The following PCDHGA5 variants were observed in gnomAD, a reference collection of about 807,000 sequenced individuals.
PCDHGA5 encodes protocadherin gamma-A5.
In PCDHGA5, 36 loss-of-function variants were observed where a neutral mutation model predicts 56.7. The observed-to-expected ratio is 0.64, with a 90% CI of 0.49 to 0.84. PCDHGA5 has a LOEUF of 0.84. PCDHGA5 is among the 40% of genes least tolerant of loss of function. The pLI, the probability that PCDHGA5 is intolerant of heterozygous loss-of-function variation, is 0.00. For missense variants in PCDHGA5, 1,305 were observed against 1,201.5 expected, an observed-to-expected ratio of 1.09 and a Z score of -1.27; for synonymous variants, 563 against 520.2, an observed-to-expected ratio of 1.08 and a Z score of -1.12.
In PCDHGA5 at chr5:141,407,146, T is replaced by C. The variant is rs142297912; in HGVS notation, c.2421+40395T>C. On this transcript the variant is annotated intron_variant, in intron 1 of 3. Transcript: ENST00000518069. ...TGCTTTATTTTTAAGAAAAAAAAGC[T>C]GAAGTGTCTGGGAATCCTTTATGAC... 2.0e-5 allele frequency among the ~76,000 whole-genome samples: 3 copies of C among 152,354 alleles called. No individual in the cohort carries two copies. The East Asian group carries it at 5.8e-4, about 29-fold the overall frequency.
At chr5:141,410,084 A>G in intron 1 of PCDHGA5, 3 of 1,612,532 alleles carry the variant, frequency 1.9e-6, no homozygotes, top group Non-Finnish European at 2.5e-6. Context: ...GGAGGTGCGC[A>G]CGGCTCGAGC....
At position 141,477,677 on chromosome 5, in the gene PCDHGA5, TC is replaced by T; in HGVS notation, c.2422-17128del. On this transcript the variant is annotated intron_variant, in intron 1 of 3. Transcript: ENST00000518069. This position sits in a 1 kb window ranked among gnomAD's most constrained non-coding sequence, Gnocchi z 4.9. ...AAATCGTGACAATGGCATAGTGTCA[TC>T]CTTAGTGCCCCTAGACTATGAGGAT... 1 of 1,614,174 alleles carries T rather than the reference TC, an allele frequency of 6.2e-7. No homozygotes were observed. The highest frequency in any genetic ancestry group is 8.5e-7 in the Non-Finnish European group (1 of 1,180,038).
intron 1 of PCDHGA5, chr5:141,371,953 T>G: frequency 6.2e-7 from 1 of 1,613,260 alleles, no homozygotes; most frequent in South Asian, 1.1e-5. Context: ...CAGCGAGCCT[T>G]CGACCACGAG....
chr5:141,450,948 C>T (rs1250110393), intron 1 of PCDHGA5, among the ~76,000 whole-genome samples: 2 of 151,870 alleles, frequency 1.3e-5, no homozygotes, highest in East Asian at 3.9e-4. Flanking sequence ...CCTCAGCCTC[C>T]CAAGTAGCTG....
intron 1 of PCDHGA5, chr5:141,374,222 A>G (rs1770285698): frequency 1.2e-6 from 2 of 1,613,902 alleles, no homozygotes; most frequent in South Asian, 1.1e-5. Flanking sequence ...CTTCGTAGGC[A>G]ACATCGTCAA....
intron 1 of PCDHGA5, among the ~76,000 whole-genome samples, chr5:141,455,393 C>G (rs574741955): frequency 6.4e-4 from 97 of 152,150 alleles, no homozygotes; most frequent in African/African-American, 2.2e-3. Flanking sequence ...GAAGGAGCTC[C>G]CCCTTACAGA....
At chr5:141,484,155 T>G (rs2099592564) in intron 1 of PCDHGA5, among the ~76,000 whole-genome samples, 1 of 152,224 alleles carries the variant, frequency 6.6e-6, no homozygotes, top group Non-Finnish European at 1.5e-5. Context: ...GTAGGCACAA[T>G]GCTGTTGGTA....
Position 141,431,897 on chromosome 5 carries a change from G to A in PCDHGA5, c.2422-62910G>A. On this transcript the variant is annotated intron_variant, in intron 1 of 3. Transcript: ENST00000518069. This position sits in a 1 kb window ranked among gnomAD's most constrained non-coding sequence, Gnocchi z 4.8. ...AAATGACCAAGATTCTGAGGAAAAC[G>A]GACAGGTGATCTGTTTCATCCAAGG... is the stretch of plus-strand genomic sequence containing the variant. 6 of 1,613,830 alleles carry A rather than the reference G, an allele frequency of 3.7e-6. No individual in the cohort carries two copies. The highest frequency in any genetic ancestry group is 5.1e-6 in the Non-Finnish European group (6 of 1,179,704).
chr5:141,368,141 G>T (rs1204786185), intron 1 of PCDHGA5, among the ~76,000 whole-genome samples: 1 of 151,994 alleles, frequency 6.6e-6, no homozygotes, highest in Non-Finnish European at 1.5e-5. Flanking sequence ...TTCAAATTTT[G>T]TACTTTTAAA....
chr5:141,369,009 CT>C (rs1295175926), intron 1 of PCDHGA5, among the ~76,000 whole-genome samples: 2 of 152,148 alleles, frequency 1.3e-5, no homozygotes, highest in African/African-American at 4.8e-5. Context: ...GAACTCATTG[CT>C]TATTGCTGCA....
chr5:141,512,656 C>G lies in PCDHGA5; in HGVS notation c.*1483C>G, dbSNP rs1262748947. ...CCCTTACAGTAGTGTAGCGCCCCCT[C>G]CCTCTTTCGGCTGGTGTAGAATAGC... On this transcript the variant is annotated 3_prime_UTR_variant, in exon 4 of 4. Coordinates refer to ENST00000518069, the MANE Select transcript of PCDHGA5 (RefSeq NM_018918.3). 1 of 152,508 alleles carries G rather than the reference C, an allele frequency of 6.6e-6. No homozygotes were observed. The highest frequency in any genetic ancestry group is 1.5e-5 in the Non-Finnish European group (1 of 68,228). The allele number at this position is 152,508 out of a possible 1,614,324, so 9.4% of individuals were successfully genotyped here.
rs545421792 is a variant in PCDHGA5 at position 141,414,806 on chromosome 5, C to T, written c.2421+48055C>T. ...GTGACAGCCAGCGACAGCGGGGATC[C>T]TCCACTCAGCAGCAACGTGTCGTTG... On this transcript the variant is annotated intron_variant, in intron 1 of 3. Coordinates refer to ENST00000518069, the MANE Select transcript of PCDHGA5 (RefSeq NM_018918.3). 2.2e-5 allele frequency: 36 copies of T among 1,614,244 alleles called. No individual in the cohort carries two copies. The South Asian group carries it at 3.1e-4, about 14-fold the overall frequency.
intron 1 of PCDHGA5, chr5:141,404,724 T>C: frequency 6.2e-7 from 1 of 1,613,942 alleles, no homozygotes; most frequent in Non-Finnish European, 8.5e-7. Context: ...GTGACCAAGG[T>C]GGTGGCAGTG....
intron 1 of PCDHGA5, chr5:141,397,972 G>T: frequency 2.6e-6 from 3 of 1,155,564 alleles, no homozygotes; most frequent in Non-Finnish European, 3.6e-6. Flanking sequence ...ACTCCCCAGC[G>T]CCGGCCTTTA....
At chr5:141,498,670 G>A (rs1266576450) in intron 2 of PCDHGA5, among the ~76,000 whole-genome samples, 1 of 152,066 alleles carries the variant, frequency 6.6e-6, no homozygotes, top group Non-Finnish European at 1.5e-5. Flanking sequence ...GGTGGCTCAC[G>A]CCTGTAATCC....
At chr5:141,465,241 G>C (rs2099099198) in intron 1 of PCDHGA5, among the ~76,000 whole-genome samples, 1 of 151,964 alleles carries the variant, frequency 6.6e-6, no homozygotes, top group South Asian at 2.1e-4. Flanking sequence ...CAAGTTCAAG[G>C]CACTTTTGTA....
intron 1 of PCDHGA5, among the ~76,000 whole-genome samples, chr5:141,492,164 C>G (rs1180358388): frequency 6.6e-6 from 1 of 152,230 alleles, no homozygotes; most frequent in Non-Finnish European, 1.5e-5. Context: ...CTCCCTATCC[C>G]CGCATCACCC....
rs201022484 is a variant in PCDHGA5, at chr5:141,376,043, C to T, written c.2421+9292C>T. On this transcript the variant is annotated intron_variant, in intron 1 of 3. Coordinates refer to ENST00000518069, the MANE Select transcript of PCDHGA5 (RefSeq NM_018918.3). ...CGTCCAGGACCACGGCCAGCCCCCTCTCTCCGCCACTGTCACGCTCACCGT... is the reference window on the plus strand; with the variant it reads ...CGTCCAGGACCACGGCCAGCCCCCTTTCTCCGCCACTGTCACGCTCACCGT... 7.1e-4 allele frequency: 1,140 copies of T among 1,613,172 alleles called. 2 individuals carry two copies. Among genetic ancestry groups the T allele is most frequent in the Non-Finnish European group, 8.8e-4 (1,041 of 1,179,846 alleles).
intron 1 of PCDHGA5, among the ~76,000 whole-genome samples, chr5:141,464,748 T>A (rs995568259): frequency 2.0e-5 from 3 of 152,190 alleles, no homozygotes; most frequent in Admixed American, 2.0e-4. Flanking sequence ...TATCTTTTTG[T>A]TTTTTTAGAG....
Sources: allele counts gnomAD v4.1 joint callset (sites outside exome capture counted in the v4.1 genomes callset), GRCh38; gene constraint gnomAD v4.1.1; non-coding constraint Gnocchi (gnomAD v3.1); transcripts MANE v1.5; gene names NCBI Gene and HGNC (gene_info 2026-07-23, HGNC 2026-07-21).